Variants in GAB1 observed in about 807,000 individuals in gnomAD.
GAB1 encodes GRB2 associated binding protein 1, also known as GRB2-associated-binding protein 1.
In GAB1, 19 loss-of-function variants were observed where a neutral mutation model predicts 66.5. That is an observed-to-expected ratio of 0.29 (90% CI 0.20 to 0.42). The LOEUF (loss-of-function observed/expected upper bound fraction) is 0.42. Among genes scored for constraint, GAB1 ranks in the 10% least tolerant of loss-of-function variants. The probability of loss-of-function intolerance (pLI) is 1.00; values close to 1 mark genes in which losing one functional copy is unlikely to be tolerated. For synonymous variants in GAB1, 294 were observed against 301.4 expected (o/e 0.98, Z 0.25); for missense variants, 732 against 858.5 (o/e 0.85, Z 1.84).
chr4:143,385,892 C>T (rs916563469), intron 1 of GAB1, among the ~76,000 whole-genome samples: 4 of 152,176 alleles, frequency 2.6e-5, no homozygotes, highest in African/African-American at 9.7e-5. Flanking sequence ...GTAACCCCAG[C>T]TCTTGGGGAG....
chr4:143,413,192 A>G (rs1732487195), intron 1 of GAB1, among the ~76,000 whole-genome samples: 1 of 151,920 alleles, frequency 6.6e-6, no homozygotes, highest in Admixed American at 6.5e-5. Context: ...CATAAATAAC[A>G]TCATATTTTA....
Position 143,415,761 on chromosome 4 carries a change from A to T in GAB1, c.357A>T (p.Pro119=). 6.2e-7 allele frequency: 1 copy of T among 1,601,352 alleles called. No homozygotes were observed. The highest frequency in any genetic ancestry group is 8.5e-7 in the Non-Finnish European group (1 of 1,172,030). ...TTTGTGACATCTGTGGGTTTAATCC[A>T]ACAGAAGAAGGTAAGTTCAAGATAT... The part of the protein sequence containing the change: ...RCICDICGFN[P]TEEDPVKPPG... The change falls in exon 2 of 10, where the codon CCA becomes CCT. Residue 119 remains proline (P), a synonymous_variant. Transcript: ENST00000262994.
At position 143,473,884 on chromosome 4, in the gene GAB1, T is replaced by C. The variant is rs574778887; in HGVS notation, c.*4695T>C. 1 of 152,334 alleles carries C rather than the reference T, an allele frequency of 6.6e-6. No individual in the cohort carries two copies. The highest frequency in any genetic ancestry group is 2.1e-4 in the South Asian group (1 of 4,834). 9.4% of individuals were successfully genotyped at this position (152,334 alleles called of 1,614,324 possible). On this transcript the variant is annotated 3_prime_UTR_variant, in exon 10 of 10. Coordinates refer to ENST00000262994, the MANE Select transcript of GAB1 (RefSeq NM_002039.4). ...GAAGTTTGGGTAGGGTGAGGCTATC[T>C]TCTTCAAGATTATTTTCTCATATGT...
At chr4:143,408,198 C>A (rs1382780295) in intron 1 of GAB1, among the ~76,000 whole-genome samples, 1 of 152,116 alleles carries the variant, frequency 6.6e-6, no homozygotes, top group Non-Finnish European at 1.5e-5. Context: ...TCACTAATTG[C>A]AGAGTAATAA....
At chr4:143,396,069 A>G in intron 1 of GAB1, 2 of 442,298 alleles carry the variant, frequency 4.5e-6, no homozygotes, top group Non-Finnish European at 9.1e-6. Context: ...AGGCTTGGGG[A>G]AAGTTGAAGA....
intron 9 of GAB1, among the ~76,000 whole-genome samples, chr4:143,467,193 A>G (rs1735836986): frequency 6.6e-6 from 1 of 152,222 alleles, no homozygotes; most frequent in South Asian, 2.1e-4. Flanking sequence ...CTCTCAGCCC[A>G]TGGAAGATAC....
rs140431136 is a variant in GAB1, at chr4:143,444,635, T to C, written c.1585+4253T>C. Among the ~76,000 whole-genome samples the C allele has an allele frequency of 5.6e-3, 853 of 152,302 alleles. 10 individuals carry two copies. The highest frequency in any genetic ancestry group is 0.019 in the African/African-American group (800 of 41,562). ...TGTATTTCAATTTTTATTTTAGTTT[T>C]AGGGGGGTGCATGTGCAGGTTTGTT... is the stretch of plus-strand genomic sequence containing the variant. On this transcript the variant is annotated intron_variant, in intron 6 of 9. Transcript: ENST00000262994.
intron 1 of GAB1, among the ~76,000 whole-genome samples, chr4:143,373,868 A>AATAAATAAATAAATAAATAT: frequency 2.0e-4 from 19 of 93,698 alleles, no homozygotes; most frequent in African/African-American, 8.3e-4. Flanking sequence ...TAAATAAATA[A>AATAAATAAATAAATAAATAT]ATATATATAT....
chr4:143,408,137 T>G (rs1732164036), intron 1 of GAB1, among the ~76,000 whole-genome samples: 1 of 152,232 alleles, frequency 6.6e-6, no homozygotes, highest in Non-Finnish European at 1.5e-5. Flanking sequence ...CTGAGACTCC[T>G]TCCACATGTA....
At chr4:143,425,038 G>A (rs1733257449) in intron 2 of GAB1, 2 of 788,212 alleles carry the variant, frequency 2.5e-6, no homozygotes, top group African/African-American at 1.7e-5. Context: ...GTAACTTAAA[G>A]GGAAACTTTC....
At chr4:143,427,635 G>A (rs543099567) in intron 2 of GAB1, among the ~76,000 whole-genome samples, 1 of 152,250 alleles carries the variant, frequency 6.6e-6, no homozygotes, top group South Asian at 2.1e-4. Flanking sequence ...AAGTCAACCA[G>A]TTTAAGGTTT....
At chr4:143,428,520 A>G (rs1033512561) in intron 2 of GAB1, among the ~76,000 whole-genome samples, 1 of 152,122 alleles carries the variant, frequency 6.6e-6, no homozygotes, top group Admixed American at 6.5e-5. Flanking sequence ...CATCCTGTTT[A>G]TTCCCATCAC....
intron 1 of GAB1, among the ~76,000 whole-genome samples, chr4:143,367,491 G>A (rs1339567009): frequency 6.6e-6 from 1 of 151,534 alleles, no homozygotes; most frequent in African/African-American, 2.4e-5. Flanking sequence ...AAGCCCCAGA[G>A]CCATTGCTTT....
intron 6 of GAB1, among the ~76,000 whole-genome samples, chr4:143,452,912 C>T (rs138811984): frequency 1.1e-4 from 17 of 152,226 alleles, no homozygotes; most frequent in Middle Eastern, 3.4e-3. Context: ...TTATTTTTGC[C>T]TTTGCTTTAG....
intron 1 of GAB1, among the ~76,000 whole-genome samples, chr4:143,396,737 A>T (rs1345608337): frequency 6.6e-6 from 1 of 152,210 alleles, no homozygotes; most frequent in African/African-American, 2.4e-5. Context: ...TTATGGTATT[A>T]TGGGCTGGTT....
At chr4:143,338,712 G>GGGGTGTGTGTGTGTGTGTGT (rs71588246) in intron 1 of GAB1, among the ~76,000 whole-genome samples, 11 of 149,178 alleles carry the variant, frequency 7.4e-5, no homozygotes, top group South Asian at 4.2e-4. Context: ...GAAAGGTAGG[G>GGGGTGTGTGTGTGTGTGTGT]GTGTGTGTGT....
chr4:143,416,191 G>A (rs1042873342), intron 2 of GAB1, among the ~76,000 whole-genome samples: 1 of 151,754 alleles, frequency 6.6e-6, no homozygotes, highest in Non-Finnish European at 1.5e-5. Context: ...GGATCACGAG[G>A]TCAGGAGATC....
chr4:143,395,804 T>A (rs1028173744), intron 1 of GAB1: 14 of 443,982 alleles, frequency 3.2e-5, no homozygotes, highest in Admixed American at 3.1e-4. Flanking sequence ...TCCCTCCACA[T>A]ACCCTTTCTA....
At chr4:143,364,129 G>A (rs1051010939) in intron 1 of GAB1, among the ~76,000 whole-genome samples, 7 of 151,346 alleles carry the variant, frequency 4.6e-5, no homozygotes, top group Non-Finnish European at 7.4e-5. Context: ...CAGAGGTTGC[G>A]GTGAGCTGAG....
Sources: gnomAD v4.1 joint callset for allele counts (sites outside exome capture counted in the v4.1 genomes callset) on GRCh38, gnomAD v4.1.1 for gene constraint, MANE v1.5 for transcripts, NCBI Gene and HGNC (gene_info 2026-07-23, HGNC 2026-07-21) for gene names.